RBM45: variants seen among roughly 807,000 people sequenced by gnomAD.
RBM45 encodes the protein RNA-binding protein 45.
A neutral mutation model predicts 58.5 loss-of-function variants in RBM45; 39 were observed. The observed-to-expected ratio is 0.67, with a 90% CI of 0.52 to 0.87. RBM45 has a LOEUF of 0.87. RBM45 is among the 40% of genes least tolerant of loss of function. RBM45 has a pLI of 0.00. For synonymous variants in RBM45, 193 were observed against 203.0 expected, an observed-to-expected ratio of 0.95 and a Z score of 0.42; for missense variants, 481 against 581.6, an observed-to-expected ratio of 0.83 and a Z score of 1.78.
chr2:178,122,377 T>C (rs978273979), intron 5 of RBM45, among the ~76,000 whole-genome samples: 1 of 152,110 alleles, frequency 6.6e-6, no homozygotes, highest in Non-Finnish European at 1.5e-5. Flanking sequence ...AGTTTGGTCA[T>C]GTGGACCAAC....
downstream of RBM45, among the ~76,000 whole-genome samples, chr2:178,133,138 T>G (rs1233020907): frequency 1.3e-5 from 2 of 152,214 alleles, no homozygotes; most frequent in African/African-American, 4.8e-5. Flanking sequence ...GGGCATTTTT[T>G]AGAATTAAGC....
At chr2:178,127,040 G>C (rs2087940189) in intron 9 of RBM45, among the ~76,000 whole-genome samples, 1 of 151,988 alleles carries the variant, frequency 6.6e-6, no homozygotes, top group Admixed American at 6.6e-5. Flanking sequence ...GGATACAAGT[G>C]ATTCTTCTGC....
chr2:178,118,205 A>G, intron 3 of RBM45, 24 bp downstream of exon 3: 2 of 1,569,788 alleles, frequency 1.3e-6, no homozygotes, highest in Non-Finnish European at 1.7e-6. Flanking sequence ...TAACATTGTT[A>G]AAAACTTTTG....
chr2:178,138,191 TC>T (rs2088060403), exon 4 of RBM45: 1 of 152,170 alleles, frequency 6.6e-6, no homozygotes, highest in South Asian at 2.1e-4. Flanking sequence ...CACTTTTTGT[TC>T]ATTATCCAGA....
At chr2:178,113,960 A>G (rs548477644) in intron 1 of RBM45, among the ~76,000 whole-genome samples, 3 of 152,316 alleles carry the variant, frequency 2.0e-5, no homozygotes, top group Admixed American at 1.3e-4. Flanking sequence ...ACCAAAGAGA[A>G]GGAGCCTGGG....
chr2:178,123,019 G>A (rs1167515244), intron 5 of RBM45, among the ~76,000 whole-genome samples: 4 of 152,100 alleles, frequency 2.6e-5, no homozygotes, highest in African/African-American at 9.7e-5. Context: ...TATCACTTGT[G>A]ATCTGAGATC....
chr2:178,126,637 C>T (rs1312769225), intron 9 of RBM45, among the ~76,000 whole-genome samples: 1 of 152,068 alleles, frequency 6.6e-6, no homozygotes, highest in Non-Finnish European at 1.5e-5. Flanking sequence ...GCCTAAAAAG[C>T]AATATCAAAT....
At chr2:178,128,799 A>G (rs2087969686) in intron 9 of RBM45, among the ~76,000 whole-genome samples, 1 of 152,172 alleles carries the variant, frequency 6.6e-6, no homozygotes, top group African/African-American at 2.4e-5. Context: ...CCTATTTACA[A>G]TGGACTCCAT....
rs1259832877 is a variant in RBM45 at position 178,124,153 on chromosome 2, G to C, written c.1095G>C (p.Gln365His). ...AATTTGGAGGAAGCTCTGGATCACA[G>C]TTGCCTCAAATCCAGACAGATGTTG... Reference protein sequence around the residue: ...FMQFGGSSGSQLPQIQTDVVL... With the variant: ...FMQFGGSSGSHLPQIQTDVVL... The change falls in exon 8 of 10, where the codon CAG (glutamine) becomes CAC (histidine). Residue 365 changes from glutamine (Q) to histidine (H), a missense_variant. Physicochemically the swap from Gln to His is conservative, Grantham distance 24 (BLOSUM62 0). Coordinates refer to ENST00000286070, the MANE Select transcript of RBM45 (RefSeq NM_152945.4). 3.1e-6 allele frequency: 5 copies of C among 1,597,606 alleles called. No homozygotes were observed. The highest frequency in any genetic ancestry group is 1.4e-5 in the African/African-American group (1 of 73,620).
At position 178,124,205 on chromosome 2, in the gene RBM45, C is replaced by T; in HGVS notation, c.1147C>T (p.Pro383Ser). The change falls in exon 8 of 10, where the codon CCT becomes TCT. Residue 383 changes from proline to serine, a missense_variant. Transcript: ENST00000286070. ...VVLPSCKKKAPAETPVKERLF... is the reference protein window; with the variant it reads ...VVLPSCKKKASAETPVKERLF... The stretch of plus-strand genomic sequence containing the variant: ...ACTTCCATCATGCAAAAAAAAAGCT[C>T]CTGCTGAAACTCCTGTGAAAGAAAG... 6.2e-7 allele frequency: 1 copy of T among 1,610,962 alleles called. No individual in the cohort carries two copies. Among genetic ancestry groups the T allele is most frequent in the Non-Finnish European group, 8.5e-7 (1 of 1,178,610 alleles).
chr2:178,115,766 G>A (rs571197682), intron 1 of RBM45, among the ~76,000 whole-genome samples: 12 of 152,150 alleles, frequency 7.9e-5, no homozygotes, highest in Admixed American at 1.3e-4. Context: ...ATTGTATTAC[G>A]TTTCTTCAAA....
downstream of RBM45, among the ~76,000 whole-genome samples, chr2:178,132,867 C>T (rs889985260): frequency 1.3e-5 from 2 of 152,126 alleles, no homozygotes; most frequent in Non-Finnish European, 2.9e-5. Flanking sequence ...GGATTACAGG[C>T]GTGAACCACT....
At position 178,116,395 on chromosome 2, in the gene RBM45, T is replaced by C. The variant is rs374213990; in HGVS notation, c.423+11T>C. Reference sequence around the variant, plus strand: ...CGGGAAAAATTTAAGGTATTTATTCTAATCAGCTAGCATATGTGATAACTC... The same window carrying C: ...CGGGAAAAATTTAAGGTATTTATTCCAATCAGCTAGCATATGTGATAACTC... On this transcript the variant is annotated intron_variant, in intron 2 of 9. Coordinates refer to ENST00000286070, the MANE Select transcript of RBM45 (RefSeq NM_152945.4). 18 of 1,598,334 alleles carry C rather than the reference T, an allele frequency of 1.1e-5. No homozygotes were observed. In the African/African-American group the frequency reaches 2.0e-4, roughly 18 times the overall value.
At chr2:178,126,958 G>C (rs370789407) in intron 9 of RBM45, among the ~76,000 whole-genome samples, 1 of 151,154 alleles carries the variant, frequency 6.6e-6, no homozygotes, top group East Asian at 1.9e-4. Flanking sequence ...TTTTTCCCCC[G>C]AGACGTCTCG....
rs778713355 is a variant in RBM45, at chr2:178,120,312, TA to T, written c.581del (p.Asn194IlefsTer15). 2 of 1,613,082 alleles carry T rather than the reference TA, an allele frequency of 1.2e-6. No individual in the cohort carries two copies. The highest frequency in any genetic ancestry group is 1.7e-6 in the Non-Finnish European group (2 of 1,179,572). On this transcript the variant is annotated frameshift_variant, in exon 4 of 10. Transcript: ENST00000286070. LOFTEE classifies it high-confidence loss of function. ...RSFRAILAEPKNKASESSEQD... is the reference protein window; with the variant it reads ...RSFRAILAEPXNKASESSEQD... Reference sequence around the variant, plus strand: ...GTTTTAGAGCAATCTTGGCTGAACCTAAAAATAAAGCATCTGAATCCTCTGA... The same window carrying T: ...GTTTTAGAGCAATCTTGGCTGAACCTAAAATAAAGCATCTGAATCCTCTGA...
In RBM45 at chr2:178,120,276, G is replaced by A. The variant is rs2105902970; in HGVS notation, c.551-11G>A. On this transcript the variant is annotated splice_polypyrimidine_tract_variant and intron_variant, in intron 3 of 9. Transcript: ENST00000286070. ...TTGCTGTGAAACTTGAAATTCATGGGGTTTTTTCAGGTTTTAGAGCAATCT... is the reference window on the plus strand; with the variant it reads ...TTGCTGTGAAACTTGAAATTCATGGAGTTTTTTCAGGTTTTAGAGCAATCT... 6.2e-7 allele frequency: 1 copy of A among 1,611,276 alleles called. No individual in the cohort carries two copies. The highest frequency in any genetic ancestry group is 1.1e-5 in the South Asian group (1 of 90,278).
chr2:178,134,469 T>G (rs1361569217), downstream of RBM45, among the ~76,000 whole-genome samples: 1 of 152,152 alleles, frequency 6.6e-6, no homozygotes, highest in Non-Finnish European at 1.5e-5. Flanking sequence ...CAACTAATTT[T>G]TTTGCTCATA....
intron 1 of RBM45, among the ~76,000 whole-genome samples, chr2:178,115,121 G>A (rs1222910541): frequency 9.9e-5 from 15 of 152,166 alleles, no homozygotes; most frequent in Admixed American, 9.8e-4. Context: ...CGGAAAGGGG[G>A]AAACCTAGAA....
In RBM45 at chr2:178,119,469, C is replaced by T. The variant is rs1389638496; in HGVS notation, c.551-818C>T. ...ATTTCTGCTGAGACATTCTGAGACACAGTTAACTAGGTACATTGGAACATG... is the reference window on the plus strand; with the variant it reads ...ATTTCTGCTGAGACATTCTGAGACATAGTTAACTAGGTACATTGGAACATG... On this transcript the variant is annotated intron_variant, in intron 3 of 9. Transcript: ENST00000286070. 2.0e-5 allele frequency among the ~76,000 whole-genome samples: 3 copies of T among 152,176 alleles called. No individual in the cohort carries two copies. In the South Asian group the frequency reaches 6.2e-4, roughly 32 times the overall value.
Sources: gnomAD v4.1 joint callset for allele counts (sites outside exome capture counted in the v4.1 genomes callset) on GRCh38, gnomAD v4.1.1 for gene constraint, MANE v1.5 for transcripts, NCBI Gene and HGNC (gene_info 2026-07-23, HGNC 2026-07-21) for gene names.